ST6GALNAC3: variants seen among roughly 807,000 people sequenced by gnomAD.
ST6GALNAC3 encodes the protein ST6 N-acetylgalactosaminide alpha-2,6-sialyltransferase 3, also known as alpha-N-acetylgalactosaminide alpha-2,6-sialyltransferase 3.
Under a neutral mutation model 32.7 loss-of-function variants are expected in ST6GALNAC3, and 25 were observed. The ratio of observed to expected loss-of-function variants is 0.76; its 90% CI spans 0.56 to 1.07. ST6GALNAC3 has a LOEUF of 1.07. Among genes scored for constraint, ST6GALNAC3 ranks in the 50% least tolerant of loss-of-function variants. ST6GALNAC3 has a pLI of 0.00. For synonymous variants in ST6GALNAC3, 129 were observed against 133.1 expected, an observed-to-expected ratio of 0.97 and a Z score of 0.21; for missense variants, 355 against 382.4, an observed-to-expected ratio of 0.93 and a Z score of 0.60.
chr1:76,560,885 C>CA (rs1665205655), intron 3 of ST6GALNAC3, among the ~76,000 whole-genome samples: 1 of 152,186 alleles, frequency 6.6e-6, no homozygotes, highest in African/African-American at 2.4e-5. Flanking sequence ...TCTGCATTCC[C>CA]ATGTTTGTTG....
At chr1:76,609,851 G>A (rs1219744784) in intron 3 of ST6GALNAC3, among the ~76,000 whole-genome samples, 1 of 152,090 alleles carries the variant, frequency 6.6e-6, no homozygotes, top group East Asian at 1.9e-4. Context: ...CTTGAGAAGT[G>A]TTATATTAAT....
chr1:76,627,540 A>G lies in ST6GALNAC3; in HGVS notation c.712A>G (p.Ile238Val). The G allele has an allele frequency of 6.2e-7, 1 of 1,612,264 alleles. No homozygotes were observed. Among genetic ancestry groups the G allele is most frequent in the Non-Finnish European group, 8.5e-7 (1 of 1,178,664 alleles). Residue 238 changes from isoleucine (I) to valine (V), a missense_variant, in exon 4 of 5, where the codon ATA becomes GTA. Ile to Val is a conservative substitution (Grantham distance 29). Transcript: ENST00000328299. ...TTATGGCATTCACGTCTACGGGATG[A>G]TAAATGACACCTACTGCAAGTAAGA... ...ACYGIHVYGMINDTYCKTEGY... is the reference protein window; with the variant it reads ...ACYGIHVYGMVNDTYCKTEGY...
intron 3 of ST6GALNAC3, among the ~76,000 whole-genome samples, chr1:76,442,726 T>C (rs534790662): frequency 1.3e-5 from 2 of 152,348 alleles, no homozygotes; most frequent in Non-Finnish European, 2.9e-5. Context: ...CCTGGCTTAG[T>C]GGGCACCTTG....
intron 3 of ST6GALNAC3, among the ~76,000 whole-genome samples, chr1:76,426,210 G>A (rs1194637565): frequency 2.0e-5 from 3 of 151,724 alleles, no homozygotes. Context: ...GGCCTGATAT[G>A]TGTTTGCTAT....
intron 1 of ST6GALNAC3, among the ~76,000 whole-genome samples, chr1:76,113,204 C>T (rs1463391149): frequency 4.6e-5 from 7 of 151,762 alleles, no homozygotes; most frequent in East Asian, 1.9e-4. Flanking sequence ...TCAGGCGTGG[C>T]GGCGCGCGCC....
intron 3 of ST6GALNAC3, among the ~76,000 whole-genome samples, chr1:76,486,708 G>T (rs1252974416): frequency 6.6e-6 from 1 of 152,092 alleles, no homozygotes; most frequent in African/African-American, 2.4e-5. Context: ...TTTAATTGGG[G>T]CATTTAGCCC....
At chr1:76,421,510 G>A (rs1005875530) in intron 3 of ST6GALNAC3, among the ~76,000 whole-genome samples, 1 of 151,970 alleles carries the variant, frequency 6.6e-6, no homozygotes, top group African/African-American at 2.4e-5. Context: ...CAAAGTCAAA[G>A]TTATACTCTT....
chr1:76,217,062 A>G (rs371228290), intron 1 of ST6GALNAC3, among the ~76,000 whole-genome samples: 3 of 152,254 alleles, frequency 2.0e-5, no homozygotes, highest in South Asian at 4.1e-4. Flanking sequence ...AATTTCATAC[A>G]TGATTAAATC....
chr1:76,235,328 A>G (rs1656589002), intron 1 of ST6GALNAC3, among the ~76,000 whole-genome samples: 1 of 152,008 alleles, frequency 6.6e-6, no homozygotes, highest in East Asian at 1.9e-4. Flanking sequence ...CAGTATGGTG[A>G]GAACCCATCT....
chr1:76,250,720 G>T (rs1192163815), intron 1 of ST6GALNAC3, among the ~76,000 whole-genome samples: 1 of 152,026 alleles, frequency 6.6e-6, no homozygotes, highest in East Asian at 1.9e-4. Flanking sequence ...CTTCAACATG[G>T]CTATGAAGCA....
chr1:76,611,904 G>A (rs1025153517), intron 3 of ST6GALNAC3, among the ~76,000 whole-genome samples: 13 of 152,108 alleles, frequency 8.5e-5, no homozygotes, highest in Non-Finnish European at 1.8e-4. Flanking sequence ...AAAGTGCCAC[G>A]ATGAATTGTT....
intron 2 of ST6GALNAC3, among the ~76,000 whole-genome samples, chr1:76,342,320 C>T (rs1230288105): frequency 6.6e-6 from 1 of 152,134 alleles, no homozygotes; most frequent in African/African-American, 2.4e-5. Context: ...ATTTACACTC[C>T]CACCAACAGT....
In ST6GALNAC3 at chr1:76,435,970, C is replaced by T. The variant is rs1438385999; in HGVS notation, c.623+23553C>T. On this transcript the variant is annotated intron_variant, in intron 3 of 4. Transcript: ENST00000328299. Reference sequence around the variant, plus strand: ...GTGAGCTTTTGGTGCACCCATCACCCAAACAGTACACACTGCACCCAATTT... The same window carrying T: ...GTGAGCTTTTGGTGCACCCATCACCTAAACAGTACACACTGCACCCAATTT... Among the ~76,000 whole-genome samples the T allele has an allele frequency of 2.0e-5, 3 of 151,932 alleles. No individual in the cohort carries two copies. In the East Asian group the frequency reaches 5.9e-4, roughly 30 times the overall value.
intron 2 of ST6GALNAC3, among the ~76,000 whole-genome samples, chr1:76,361,989 A>AT (rs1553184755): frequency 1.4e-5 from 2 of 148,076 alleles, no homozygotes. Context: ...AAAAAAAAAA[A>AT]AAAAGAGAGA....
chr1:76,122,927 GCTA>G (rs1648981670), intron 1 of ST6GALNAC3, among the ~76,000 whole-genome samples: 1 of 152,220 alleles, frequency 6.6e-6, no homozygotes, highest in Non-Finnish European at 1.5e-5. Flanking sequence ...CTGCGTCAGT[GCTA>G]CTTAGAGTGG....
chr1:76,508,876 A>T (rs1247685751), intron 3 of ST6GALNAC3, among the ~76,000 whole-genome samples: 6 of 152,216 alleles, frequency 3.9e-5, no homozygotes, highest in Non-Finnish European at 7.3e-5. Context: ...AGAACCAATA[A>T]GAAAATTTTT....
intron 3 of ST6GALNAC3, among the ~76,000 whole-genome samples, chr1:76,464,905 A>G (rs895307919): frequency 2.0e-5 from 3 of 152,116 alleles, no homozygotes; most frequent in Non-Finnish European, 2.9e-5. Context: ...CCACTATTTC[A>G]TCTCCCCAAA....
intron 1 of ST6GALNAC3, among the ~76,000 whole-genome samples, chr1:76,181,051 G>C (rs1229258427): frequency 1.3e-5 from 2 of 152,306 alleles, no homozygotes; most frequent in Admixed American, 1.3e-4. Flanking sequence ...GGAGTCACAG[G>C]CTCCCATCCC....
intron 3 of ST6GALNAC3, among the ~76,000 whole-genome samples, chr1:76,434,784 G>GTTTTTTTTTTTTTT (rs1211703628): frequency 2.1e-4 from 15 of 72,212 alleles, no homozygotes; most frequent in East Asian, 4.2e-4. Flanking sequence ...TTTTTTCTCT[G>GTTTTTTTTTTTTTT]TTTTTTTTTT....
Sources: allele counts gnomAD v4.1 joint callset (sites outside exome capture counted in the v4.1 genomes callset), GRCh38; gene constraint gnomAD v4.1.1; transcripts MANE v1.5; gene names NCBI Gene and HGNC (gene_info 2026-07-23, HGNC 2026-07-21).